Variants in ARFGAP2 observed in about 807,000 individuals in gnomAD.
ARFGAP2 encodes the protein ADP-ribosylation factor GTPase-activating protein 2.
ARFGAP2 carries 45 observed loss-of-function variants against 71.9 expected under a neutral mutation model. The ratio of observed to expected loss-of-function variants is 0.63; its 90% CI spans 0.49 to 0.80. The LOEUF is 0.80. Ranked by LOEUF, ARFGAP2 falls within the 30% of genes least tolerant of loss-of-function variation. The pLI, the probability that ARFGAP2 is intolerant of heterozygous loss-of-function variation, is 0.00. For missense variants in ARFGAP2, 633 were observed against 673.9 expected, an observed-to-expected ratio of 0.94 and a Z score of 0.67; for synonymous variants, 248 against 249.2, an observed-to-expected ratio of 1.00 and a Z score of 0.05.
chr11:47,169,128 A>G (rs1012236799), intron 10 of ARFGAP2, among the ~76,000 whole-genome samples: 1 of 151,804 alleles, frequency 6.6e-6, no homozygotes, highest in Non-Finnish European at 1.5e-5. Flanking sequence ...CCTGGCTAAC[A>G]TGGTGAAACC....
chr11:47,166,874 C>T lies in ARFGAP2; in HGVS notation c.1218G>A (p.Arg406=). Residue 406 remains arginine, a synonymous_variant, in exon 13 of 16, where the codon CGG becomes CGA. Coordinates refer to ENST00000524782, the MANE Select transcript of ARFGAP2 (RefSeq NM_032389.6). ...CTGAGCTCCGGCTCTCCACTTCCCT[C>T]CGGTTTGTGGCTCTGAGGGGAAGAT... is the stretch of plus-strand genomic sequence containing the variant. ...IRPISERATN[R]REVESRSSGL... The T allele has an allele frequency of 6.2e-7, 1 of 1,613,716 alleles. No individual in the cohort carries two copies. The highest frequency in any genetic ancestry group is 1.1e-5 in the South Asian group (1 of 91,070).
chr11:47,169,826 CAAAT>C (rs1047362319), intron 10 of ARFGAP2, among the ~76,000 whole-genome samples: 19 of 152,056 alleles, frequency 1.2e-4, no homozygotes, highest in Non-Finnish European at 2.1e-4. Flanking sequence ...AACTCTGTCT[CAAAT>C]AAATAAATAG....
intron 8 of ARFGAP2, 134 bp from the exon 9 acceptor site, chr11:47,171,934 A>G: frequency 7.7e-7 from 1 of 1,294,184 alleles, no homozygotes. Flanking sequence ...GAGCCCAACC[A>G]GCATGGCCAA....
chr11:47,166,589 C>G lies in ARFGAP2; in HGVS notation c.1343G>C (p.Arg448Thr). The G allele has an allele frequency of 6.2e-7, 1 of 1,612,180 alleles. No homozygotes were observed. The highest frequency in any genetic ancestry group is 8.5e-7 in the Non-Finnish European group (1 of 1,179,998). ...GCCTGAGAGCTGCTGCAGCCGAGAC[C>G]TGGCCTCATACTGTGGTGAGGAAAA... ...GREVDAEYEA[R>T]SRLQQLSGSS... Residue 448 changes from arginine to threonine, a missense_variant, in exon 14 of 16, where the codon AGG becomes ACG. Physicochemically the swap from Arg to Thr is moderately conservative, Grantham distance 71. Coordinates refer to ENST00000524782, the MANE Select transcript of ARFGAP2 (RefSeq NM_032389.6).
At chr11:47,167,012 C>T (rs977047098) in intron 12 of ARFGAP2, 126 bp from the exon 13 acceptor site, 5 of 1,245,156 alleles carry the variant, frequency 4.0e-6, no homozygotes, top group Non-Finnish European at 5.6e-6. Flanking sequence ...CTGTCTGTGG[C>T]TCTGTGGCTC....
At chr11:47,170,522 C>G (rs1952559229) in intron 10 of ARFGAP2, among the ~76,000 whole-genome samples, 1 of 151,992 alleles carries the variant, frequency 6.6e-6, no homozygotes, top group Non-Finnish European at 1.5e-5. Flanking sequence ...TGGTACACAC[C>G]TGTAATCCCA....
chr11:47,167,559 C>A (rs563980252), intron 12 of ARFGAP2, among the ~76,000 whole-genome samples: 6 of 152,284 alleles, frequency 3.9e-5, no homozygotes, highest in African/African-American at 1.4e-4. Flanking sequence ...TCAGGCTCCT[C>A]CGGCCAGAGA....
Position 47,173,783 on chromosome 11 carries a change from A to G in ARFGAP2, c.538T>C (p.Ser180Pro), listed in dbSNP as rs762487628. Reference sequence around the variant, plus strand: ...CGTGCCAGGCCACTGCTCTCTGTAGACGGGGCTGGCTGCTGGGTCCCTGAA... The same window carrying G: ...CGTGCCAGGCCACTGCTCTCTGTAGGCGGGGCTGGCTGCTGGGTCCCTGAA... The part of the protein sequence containing the change: ...EPSGTQQPAP[S>P]TESSGLAQPE... The change falls in exon 6 of 16, where the codon TCT becomes CCT. Residue 180 changes from serine (S) to proline (P), a missense_variant. Coordinates refer to ENST00000524782, the MANE Select transcript of ARFGAP2 (RefSeq NM_032389.6). 1.2e-5 allele frequency: 20 copies of G among 1,605,002 alleles called. No individual in the cohort carries two copies. Among genetic ancestry groups the G allele is most frequent in the Non-Finnish European group, 1.2e-5 (14 of 1,175,880 alleles).
rs765077743 is a variant in ARFGAP2 at position 47,171,557 on chromosome 11, C to T, written c.810G>A (p.Met270Ile). 4.3e-6 allele frequency: 7 copies of T among 1,614,188 alleles called. No homozygotes were observed. In the South Asian group the frequency reaches 7.7e-5, roughly 18 times the overall value. The stretch of plus-strand genomic sequence containing the variant: ...GGTAGGCCAGACGCATGGAGGCGAC[C>T]CTTAGGGGGAACAAAGGTGTCAGTG... The part of the protein sequence containing the change: ...ADAKKQAEES[M>I]VASMRLAYQE... The change falls in exon 10 of 16, where the codon ATG (methionine) becomes ATA (isoleucine). Residue 270 changes from methionine to isoleucine, a missense_variant and splice_region_variant. Met to Ile is a conservative substitution (Grantham distance 10, BLOSUM62 1). Coordinates refer to ENST00000524782, the MANE Select transcript of ARFGAP2 (RefSeq NM_032389.6).
At chr11:47,176,430 C>T in intron 2 of ARFGAP2, 86 bp downstream of exon 2, 1 of 1,318,620 alleles carries the variant, frequency 7.6e-7, no homozygotes, top group South Asian at 1.2e-5. Flanking sequence ...TTCAGAGCGG[C>T]CCAAGTCGAG....
rs1374835533 is a variant in ARFGAP2 at position 47,166,600 on chromosome 11, C to A, written c.1333-1G>T. Reference sequence around the variant, plus strand: ...GCTGCAGCCGAGACCTGGCCTCATACTGTGGTGAGGAAAAGGCCAGGCCTG... The same window carrying A: ...GCTGCAGCCGAGACCTGGCCTCATAATGTGGTGAGGAAAAGGCCAGGCCTG... On this transcript the variant is annotated splice_acceptor_variant, in intron 13 of 15. Transcript: ENST00000524782. LOFTEE classifies it high-confidence loss of function. 6.2e-7 allele frequency: 1 copy of A among 1,611,860 alleles called. No homozygotes were observed. Among genetic ancestry groups the A allele is most frequent in the Admixed American group, 1.7e-5 (1 of 60,010 alleles).
At chr11:47,166,437 G>A in intron 14 of ARFGAP2, 51 bp from the exon 15 acceptor site, 1 of 1,611,006 alleles carries the variant, frequency 6.2e-7, no homozygotes, top group Non-Finnish European at 8.5e-7. Flanking sequence ...GCCCTTCCCA[G>A]TCACAGCAGG....
chr11:47,176,226 A>C (rs892639934), intron 2 of ARFGAP2: 1 of 586,210 alleles, frequency 1.7e-6, no homozygotes, highest in Non-Finnish European at 3.0e-6. Flanking sequence ...GTCTAACAAC[A>C]TATCAGCAAC....
chr11:47,167,764 T>A (rs767066530), intron 12 of ARFGAP2, 145 bp downstream of exon 12: 9 of 1,023,288 alleles, frequency 8.8e-6, no homozygotes, highest in African/African-American at 1.6e-5. Context: ...CATAGCCACA[T>A]AGTAGTGGCT....
At chr11:47,174,675 G>A (rs928054317) in intron 5 of ARFGAP2, 4 of 260,956 alleles carry the variant, frequency 1.5e-5, no homozygotes, top group East Asian at 9.7e-5. Flanking sequence ...GATTACAGGC[G>A]TGAGCCACTG....
At chr11:47,174,551 G>A (rs577853925) in intron 5 of ARFGAP2, 145 of 160,756 alleles carry the variant, frequency 9.0e-4, no homozygotes, top group Non-Finnish European at 1.5e-3. Context: ...GCCCGCCACC[G>A]CGCCCGGCTA....
intron 5 of ARFGAP2, 148 bp from the exon 6 acceptor site, chr11:47,173,988 C>A: frequency 1.4e-6 from 2 of 1,436,496 alleles, no homozygotes; most frequent in Non-Finnish European, 1.9e-6. Flanking sequence ...ATCACAGTTG[C>A]TATTCACTGT....
intron 15 of ARFGAP2, among the ~76,000 whole-genome samples, chr11:47,165,895 A>G (rs1468352778): frequency 6.6e-6 from 1 of 151,808 alleles, no homozygotes; most frequent in African/African-American, 2.4e-5. Context: ...TTTTGAGACA[A>G]GAGTTTCACT....
At chr11:47,176,118 A>G (rs890394955) in intron 2 of ARFGAP2, 195 bp from the exon 3 acceptor site, 1 of 620,988 alleles carries the variant, frequency 1.6e-6, no homozygotes, top group Non-Finnish European at 2.8e-6. Context: ...AGTACTAATT[A>G]TGTCCCCAGA....
Sources: gnomAD v4.1 joint callset for allele counts (sites outside exome capture counted in the v4.1 genomes callset) on GRCh38, gnomAD v4.1.1 for gene constraint, MANE v1.5 for transcripts, NCBI Gene and HGNC (gene_info 2026-07-23, HGNC 2026-07-21) for gene names.